The following PFKFB2 variants were observed in gnomAD, a reference collection of about 807,000 sequenced individuals.
PFKFB2 encodes the protein 6-phosphofructo-2-kinase/fructose-2,6-bisphosphatase 2.
In PFKFB2, 53 loss-of-function variants were observed where a neutral mutation model predicts 68.0. That is an observed-to-expected ratio of 0.78 (90% CI 0.63 to 0.98). The LOEUF is 0.98. Among genes scored for constraint, PFKFB2 ranks in the 50% least tolerant of loss-of-function variants. The pLI is 0.00. For synonymous variants in PFKFB2, 222 were observed against 227.6 expected (o/e 0.98, Z 0.22); for missense variants, 451 against 642.0 (o/e 0.70, Z 3.22).
At chr1:207,049,640 T>G, upstream of PFKFB2, 1 of 1,614,226 alleles carries the variant, frequency 6.2e-7, no homozygotes, top group South Asian at 1.1e-5. Context: ...AAAGTTTCCC[T>G]GACGTAACTA....
chr1:207,051,940 TA>T (rs1372628452), upstream of PFKFB2, among the ~76,000 whole-genome samples: 1 of 152,216 alleles, frequency 6.6e-6, no homozygotes, highest in Non-Finnish European at 1.5e-5. Context: ...CTGGGAGTTG[TA>T]AAAAGCCTTA....
intron 2 of PFKFB2, among the ~76,000 whole-genome samples, chr1:207,042,886 A>G (rs930368135): frequency 2.0e-5 from 3 of 152,208 alleles, no homozygotes; most frequent in African/African-American, 4.8e-5. Flanking sequence ...TGTAAACTTA[A>G]TAACTGTAAG....
chr1:207,059,495 G>C (rs887484831), intron 2 of PFKFB2, among the ~76,000 whole-genome samples: 1 of 152,136 alleles, frequency 6.6e-6, no homozygotes, highest in African/African-American at 2.4e-5. Flanking sequence ...AGTGATCAGG[G>C]ATTAATGCCA....
chr1:207,061,913 C>G (rs368493401), intron 2 of PFKFB2, 40 bp from the exon 3 acceptor site: 1 of 1,559,568 alleles, frequency 6.4e-7, no homozygotes, highest in South Asian at 1.1e-5. Context: ...CTTACTAGGA[C>G]TCTAGTCATT....
At chr1:207,078,358 C>T (rs1683684326), downstream of PFKFB2, among the ~76,000 whole-genome samples, 1 of 152,068 alleles carries the variant, frequency 6.6e-6, no homozygotes, top group African/African-American at 2.4e-5. Flanking sequence ...AATCCCAGGC[C>T]CCATCCCAGA....
downstream of PFKFB2, chr1:207,080,596 A>G (rs1683736427): frequency 6.6e-6 from 1 of 152,202 alleles, no homozygotes; most frequent in Admixed American, 6.5e-5. Context: ...ATGATCAGAC[A>G]ATGTTTATAT....
intron 14 of PFKFB2, 73 bp from the exon 15 acceptor site, chr1:207,072,131 C>G (rs74675284): frequency 3.8e-5 from 60 of 1,562,712 alleles, no homozygotes; most frequent in Non-Finnish European, 5.1e-5. Context: ...TGGTTACAAG[C>G]GCATTATTAA....
Position 207,074,671 on chromosome 1 carries a change from T to C in PFKFB2, c.*2300T>C, listed in dbSNP as rs1683574502. 1 of 985,422 alleles carries C rather than the reference T, an allele frequency of 1.0e-6. No individual in the cohort carries two copies. The highest frequency in any genetic ancestry group is 1.2e-6 in the Non-Finnish European group (1 of 829,914). 61.0% of individuals were successfully genotyped at this position (985,422 alleles called of 1,614,324 possible). On this transcript the variant is annotated 3_prime_UTR_variant, in exon 15 of 15. Coordinates refer to ENST00000367080, the MANE Select transcript of PFKFB2 (RefSeq NM_006212.2). ...GGTTACATAACATGTACTTAGTGTC[T>C]TTGTGGAGCTTTGGGCTGGTAGGGG... is the stretch of plus-strand genomic sequence containing the variant.
intron 2 of PFKFB2, among the ~76,000 whole-genome samples, chr1:207,057,724 A>T (rs1682972981): frequency 6.6e-6 from 1 of 152,124 alleles, no homozygotes; most frequent in African/African-American, 2.4e-5. Flanking sequence ...CCTATTAATA[A>T]AGGTAGGTTC....
intron 1 of PFKFB2, among the ~76,000 whole-genome samples, chr1:207,037,105 T>C (rs1248411664): frequency 6.6e-6 from 1 of 152,210 alleles, no homozygotes; most frequent in Non-Finnish European, 1.5e-5. Context: ...TCTGGCTACT[T>C]TCTCCTTGAC....
chr1:207,054,523 A>G (rs1682858050), intron 1 of PFKFB2, among the ~76,000 whole-genome samples, 178 bp from the exon 2 acceptor site: 1 of 152,230 alleles, frequency 6.6e-6, no homozygotes, highest in Non-Finnish European at 1.5e-5. Context: ...AACTCTTTTT[A>G]TAGGTGAGGA....
At chr1:207,049,305 T>A, upstream of PFKFB2, 1 of 1,614,118 alleles carries the variant, frequency 6.2e-7, no homozygotes, top group Non-Finnish European at 8.5e-7. Flanking sequence ...TTTTGGTATA[T>A]CCTGCATCTT....
Position 207,077,461 on chromosome 1 carries a change from A to G in PFKFB2, c.*5090A>G. On this transcript the variant is annotated 3_prime_UTR_variant, in exon 15 of 15. Transcript: ENST00000367080. ...GTACGTTTTTTATTATATTGACCTA[A>G]CAAGAAGATCAACTTATGCTGGTAT... is the stretch of plus-strand genomic sequence containing the variant. The G allele has an allele frequency of 1.0e-6, 1 of 985,244 alleles. No homozygotes were observed. The highest frequency in any genetic ancestry group is 1.2e-6 in the Non-Finnish European group (1 of 829,746). The allele number at this position is 985,244 out of a possible 1,614,324, so 61.0% of individuals were successfully genotyped here.
At chr1:207,060,597 T>G (rs1023030370) in intron 2 of PFKFB2, among the ~76,000 whole-genome samples, 1 of 152,168 alleles carries the variant, frequency 6.6e-6, no homozygotes, top group Non-Finnish European at 1.5e-5. Flanking sequence ...GCAGGGCTTT[T>G]TGCAGTGGGC....
intron 1 of PFKFB2, among the ~76,000 whole-genome samples, chr1:207,036,557 A>G (rs1682380850): frequency 1.3e-5 from 2 of 152,062 alleles, no homozygotes; most frequent in Non-Finnish European, 2.9e-5. Context: ...CTTTCACTCC[A>G]TTTTCATATA....
rs528041055 is a variant in PFKFB2 at position 207,073,938 on chromosome 1, A to G, written c.*1567A>G. On this transcript the variant is annotated 3_prime_UTR_variant, in exon 15 of 15. Coordinates refer to ENST00000367080, the MANE Select transcript of PFKFB2 (RefSeq NM_006212.2). ...TGGTCTTTTAGAGGTAACCAGTGAG[A>G]AGGAGTTAGCTATTTTCCAAGGGTG... 4 of 985,386 alleles carry G rather than the reference A, an allele frequency of 4.1e-6. No homozygotes were observed. The South Asian group carries it at 1.9e-4, about 46-fold the overall frequency. 61.0% of individuals were successfully genotyped at this position (985,386 alleles called of 1,614,324 possible). A position where few individuals can be genotyped will look rare whatever the true frequency, so the allele number is the denominator to read the frequency against.
intron 10 of PFKFB2, among the ~76,000 whole-genome samples, chr1:207,068,724 T>C (rs965094147): frequency 2.6e-5 from 4 of 152,008 alleles, no homozygotes; most frequent in African/African-American, 9.7e-5. Context: ...TTCTCTCTTC[T>C]TGAGTACAAA....
At chr1:207,042,927 A>G (rs1197135883) in intron 2 of PFKFB2, among the ~76,000 whole-genome samples, 1 of 152,222 alleles carries the variant, frequency 6.6e-6, no homozygotes, top group East Asian at 1.9e-4. Flanking sequence ...CATGAGGCTA[A>G]GGACATAAAA....
chr1:207,050,585 C>G (rs938007729), upstream of PFKFB2: 37 of 1,512,070 alleles, frequency 2.4e-5, no homozygotes, highest in African/African-American at 5.6e-5. Flanking sequence ...TCAAAGCCCC[C>G]CCGCCGACTC....
Sources: gnomAD v4.1 joint callset for allele counts (sites outside exome capture counted in the v4.1 genomes callset) on GRCh38, gnomAD v4.1.1 for gene constraint, MANE v1.5 for transcripts, NCBI Gene and HGNC (gene_info 2026-07-23, HGNC 2026-07-21) for gene names.